LRCH3: variants seen among roughly 807,000 people sequenced by gnomAD.
LRCH3 encodes DISP complex protein LRCH3.
A neutral mutation model predicts 104.5 loss-of-function variants in LRCH3; 68 were observed. That is an observed-to-expected ratio of 0.65 (90% CI 0.54 to 0.80). LRCH3 has a LOEUF of 0.80. LRCH3 is among the 30% of genes least tolerant of loss of function. The pLI is 0.00. For missense variants in LRCH3, 951 were observed against 953.9 expected, an observed-to-expected ratio of 1.00 and a Z score of 0.04; for synonymous variants, 344 against 361.3, an observed-to-expected ratio of 0.95 and a Z score of 0.54.
chr3:197,805,729 G>C (rs1394796872), intron 1 of LRCH3, among the ~76,000 whole-genome samples: 1 of 151,624 alleles, frequency 6.6e-6, no homozygotes, highest in Non-Finnish European at 1.5e-5. Flanking sequence ...AGATCTCTAG[G>C]CATCTCCCTG....
At chr3:197,844,426 C>T (rs1231958011) in intron 10 of LRCH3, among the ~76,000 whole-genome samples, 1 of 152,068 alleles carries the variant, frequency 6.6e-6, no homozygotes. Flanking sequence ...AGACACGTCT[C>T]TGTCACCCAG....
In LRCH3 at chr3:197,811,065, G is replaced by T. The variant is rs75189776; in HGVS notation, c.263-3843G>T. On this transcript the variant is annotated intron_variant, in intron 1 of 20. Transcript: ENST00000425562. ...GCAAGGAGTGTTTTTAAATGTGACA[G>T]ATGTAAACAGAAAGTCTGAAAAGCG... 6.8e-3 allele frequency among the ~76,000 whole-genome samples: 1,034 copies of T among 152,260 alleles called. 8 individuals are homozygous for T. Among genetic ancestry groups the T allele is most frequent in the Non-Finnish European group, 0.011 (735 of 68,014 alleles).
chr3:197,825,069 C>T (rs1178665946), intron 4 of LRCH3, among the ~76,000 whole-genome samples: 2 of 152,126 alleles, frequency 1.3e-5, no homozygotes, highest in African/African-American at 2.4e-5. Context: ...ATTATAAATC[C>T]AGGTTGAAAA....
chr3:197,872,221 G>C (rs1470429506), intron 19 of LRCH3, among the ~76,000 whole-genome samples: 1 of 152,024 alleles, frequency 6.6e-6, no homozygotes, highest in Non-Finnish European at 1.5e-5. Flanking sequence ...GCTGGGTATG[G>C]TGGCATGTGC....
intron 1 of LRCH3, among the ~76,000 whole-genome samples, chr3:197,803,965 A>G (rs1018058941): frequency 1.2e-4 from 18 of 152,158 alleles, no homozygotes; most frequent in African/African-American, 3.9e-4. Context: ...GTCTATTAAA[A>G]AATGAAAAGG....
chr3:197,807,380 C>T (rs901258449), intron 1 of LRCH3, among the ~76,000 whole-genome samples: 1 of 151,976 alleles, frequency 6.6e-6, no homozygotes, highest in Non-Finnish European at 1.5e-5. Context: ...CCACGCCCAG[C>T]TCATTTTTTT....
At chr3:197,869,703 T>A (rs1382305785) in intron 17 of LRCH3, among the ~76,000 whole-genome samples, 1 of 132,576 alleles carries the variant, frequency 7.5e-6, no homozygotes, top group Admixed American at 7.1e-5. Flanking sequence ...TAGAAAGCGA[T>A]GCACTGTACC....
chr3:197,793,060 AT>A (rs1311851728), intron 1 of LRCH3, among the ~76,000 whole-genome samples: 3 of 152,218 alleles, frequency 2.0e-5, no homozygotes, highest in Non-Finnish European at 4.4e-5. Context: ...AAAGGTTGAG[AT>A]TACAGGCGTG....
At position 197,804,072 on chromosome 3, in the gene LRCH3, AC is replaced by A. The variant is rs552045855; in HGVS notation, c.263-10835del. ...CAGGAGTTCGAGACCAGCCTGACCA[AC>A]ATGGTGAAACCCCATCTCTACCAAA... On this transcript the variant is annotated intron_variant, in intron 1 of 20. Coordinates refer to ENST00000425562, the MANE Select transcript of LRCH3 (RefSeq NM_001365715.1). Among the ~76,000 whole-genome samples, 17 of 152,292 alleles carry A rather than the reference AC, an allele frequency of 1.1e-4. No individual in the cohort carries two copies. In the South Asian group the frequency reaches 3.5e-3, roughly 32 times the overall value.
rs1039031763 is a variant in LRCH3 at position 197,856,661 on chromosome 3, A to T, written c.1645-2173A>T. Reference sequence around the variant, plus strand: ...CCCAGCCTCCCAAAGTGCTGAGATTACAGGCATGAGCCACCGTGCCCAGCT... The same window carrying T: ...CCCAGCCTCCCAAAGTGCTGAGATTTCAGGCATGAGCCACCGTGCCCAGCT... On this transcript the variant is annotated intron_variant, in intron 14 of 20. Coordinates refer to ENST00000425562, the MANE Select transcript of LRCH3 (RefSeq NM_001365715.1). The surrounding 1 kb of genome is among the most constrained non-coding windows in gnomAD (Gnocchi z 4.2). Among the ~76,000 whole-genome samples, 55 of 152,294 alleles carry T rather than the reference A, an allele frequency of 3.6e-4. No individual in the cohort carries two copies. The highest frequency in any genetic ancestry group is 1.3e-3 in the African/African-American group (53 of 41,560).
At chr3:197,879,360 C>A (rs1713282252) in intron 20 of LRCH3, among the ~76,000 whole-genome samples, 1 of 152,100 alleles carries the variant, frequency 6.6e-6, no homozygotes, top group South Asian at 2.1e-4. Context: ...AAATAGACAC[C>A]CCCTGGCCGG....
intron 8 of LRCH3, among the ~76,000 whole-genome samples, chr3:197,832,812 ACT>A (rs1465805441): frequency 6.6e-6 from 1 of 150,654 alleles, no homozygotes; most frequent in Non-Finnish European, 1.5e-5. Flanking sequence ...AGCAAGCAGC[ACT>A]CTCTCTACTT....
In LRCH3 at chr3:197,867,392, G is replaced by T. The variant is rs149840636; in HGVS notation, c.1873+1173G>T. ...GATTGCGCCACTGCACTCCAGCATGGATGACAGTGTGAAACTTATGTCTCA... is the reference window on the plus strand; with the variant it reads ...GATTGCGCCACTGCACTCCAGCATGTATGACAGTGTGAAACTTATGTCTCA... On this transcript the variant is annotated intron_variant, in intron 17 of 20. Transcript: ENST00000425562. Among the ~76,000 whole-genome samples, 63 of 151,738 alleles carry T rather than the reference G, an allele frequency of 4.2e-4. No homozygotes were observed. In the East Asian group the frequency reaches 0.012, roughly 28 times the overall value.
intron 10 of LRCH3, among the ~76,000 whole-genome samples, chr3:197,843,616 A>G (rs1029882807): frequency 1.3e-5 from 2 of 152,206 alleles, no homozygotes; most frequent in Non-Finnish European, 2.9e-5. Flanking sequence ...CTTAGAAGGC[A>G]GAGGCTGCAG....
intron 14 of LRCH3, among the ~76,000 whole-genome samples, chr3:197,857,282 C>T (rs1299677751): frequency 1.3e-5 from 2 of 151,788 alleles, no homozygotes; most frequent in Non-Finnish European, 2.9e-5. Flanking sequence ...CCTCAAGCTC[C>T]TGTTAATATC....
chr3:197,869,521 C>T (rs149866537), intron 17 of LRCH3, among the ~76,000 whole-genome samples: 9,419 of 90,292 alleles, frequency 0.1, 303 homozygotes, highest in African/African-American at 0.13. Flanking sequence ...GGTAGAAAGC[C>T]GTGCACTGTA....
chr3:197,858,326 C>G (rs1490527188), intron 14 of LRCH3, among the ~76,000 whole-genome samples: 1 of 152,136 alleles, frequency 6.6e-6, no homozygotes, highest in Non-Finnish European at 1.5e-5. Context: ...CCACCTTCCC[C>G]TCTTATAGTC....
chr3:197,847,194 A>C (rs1229515390), intron 10 of LRCH3, among the ~76,000 whole-genome samples: 1 of 152,252 alleles, frequency 6.6e-6, no homozygotes, highest in Non-Finnish European at 1.5e-5. Flanking sequence ...ATACCACATG[A>C]AACGTGAGTT....
At chr3:197,855,142 C>T (rs1740079520) in intron 14 of LRCH3, among the ~76,000 whole-genome samples, 1 of 152,212 alleles carries the variant, frequency 6.6e-6, no homozygotes, top group Non-Finnish European at 1.5e-5. Context: ...CTAGTGCCTA[C>T]AGTGCTAGTA....
Sources: allele counts gnomAD v4.1 joint callset (sites outside exome capture counted in the v4.1 genomes callset), GRCh38; gene constraint gnomAD v4.1.1; non-coding constraint Gnocchi (gnomAD v3.1); transcripts MANE v1.5; gene names NCBI Gene and HGNC (gene_info 2026-07-23, HGNC 2026-07-21).